The following AUTS2 variants were observed in gnomAD, a reference collection of about 807,000 sequenced individuals.
AUTS2 encodes activator of transcription and developmental regulator AUTS2, also known as autism susceptibility gene 2 protein.
A neutral mutation model predicts 112.4 loss-of-function variants in AUTS2; 17 were observed. The ratio of observed to expected loss-of-function variants is 0.15; its 90% CI spans 0.10 to 0.23. AUTS2 has a LOEUF of 0.23. Ranked by LOEUF, AUTS2 falls within the 10% of genes least tolerant of loss-of-function variation. AUTS2 has a pLI of 1.00. For missense variants in AUTS2, 1,510 were observed against 1,701.6 expected (o/e 0.89, Z 1.98); for synonymous variants, 751 against 702.7 (o/e 1.07, Z -1.09).
intron 1 of AUTS2, among the ~76,000 whole-genome samples, chr7:69,794,516 T>C (rs541128359): frequency 1.3e-5 from 2 of 152,352 alleles, no homozygotes; most frequent in African/African-American, 4.8e-5. Context: ...CTGTACTTTA[T>C]CTGCTTATTG....
chr7:69,961,567 G>C (rs141154133), intron 2 of AUTS2, among the ~76,000 whole-genome samples: 6 of 152,194 alleles, frequency 3.9e-5, no homozygotes, highest in African/African-American at 1.4e-4. Flanking sequence ...GTGGGCATCT[G>C]TTGTCTTCTC....
chr7:69,947,293 A>C lies in AUTS2; in HGVS notation c.522+47795A>C, dbSNP rs181960009. Among the ~76,000 whole-genome samples, 373 of 152,310 alleles carry C rather than the reference A, an allele frequency of 2.4e-3. 2 individuals are homozygous for C. The highest frequency in any genetic ancestry group is 8.5e-3 in the African/African-American group (353 of 41,560). ...AGTGCTTGCCGACTTCACAAAACAC[A>C]GAAAATTGCTGAGGGCTTATGTGAC... On this transcript the variant is annotated intron_variant, in intron 2 of 18. Transcript: ENST00000342771.
intron 1 of AUTS2, among the ~76,000 whole-genome samples, chr7:69,614,595 C>T (rs1793263558): frequency 6.6e-6 from 1 of 152,000 alleles, no homozygotes; most frequent in Non-Finnish European, 1.5e-5. Context: ...AGTGATCCTC[C>T]TGCCTCAGCC....
At chr7:70,124,063 T>C (rs1229650133) in intron 3 of AUTS2, among the ~76,000 whole-genome samples, 1 of 152,232 alleles carries the variant, frequency 6.6e-6, no homozygotes, top group African/African-American at 2.4e-5. Context: ...GGTGAGATGA[T>C]ATCTCATTGT....
rs1003001338 is a variant in AUTS2, at chr7:70,224,192, G to A, written c.660+89621G>A. Among the ~76,000 whole-genome samples, 7 of 152,100 alleles carry A rather than the reference G, an allele frequency of 4.6e-5. No homozygotes were observed. The South Asian group carries it at 1.2e-3, about 27-fold the overall frequency. On this transcript the variant is annotated intron_variant, in intron 4 of 18. Transcript: ENST00000342771. Reference sequence around the variant, plus strand: ...TAAGTGGGCATGATGGTGTGTGCCTGTAGACTCAGCTACTCTGGAAGCTGA... The same window carrying A: ...TAAGTGGGCATGATGGTGTGTGCCTATAGACTCAGCTACTCTGGAAGCTGA...
intron 2 of AUTS2, among the ~76,000 whole-genome samples, chr7:69,916,784 G>A (rs1203425374): frequency 6.6e-6 from 1 of 151,930 alleles, no homozygotes; most frequent in Non-Finnish European, 1.5e-5. Flanking sequence ...TCCTTCCTGC[G>A]AGTGCAGTAG....
intron 5 of AUTS2, among the ~76,000 whole-genome samples, chr7:70,606,106 G>T (rs915824883): frequency 5.9e-5 from 9 of 152,162 alleles, no homozygotes; most frequent in Non-Finnish European, 1.0e-4. Context: ...TGATTTAGTT[G>T]AATATTTCAA....
chr7:69,733,831 T>G (rs1230400148), intron 1 of AUTS2, among the ~76,000 whole-genome samples: 10 of 152,192 alleles, frequency 6.6e-5, no homozygotes, highest in African/African-American at 1.9e-4. Context: ...TTATCTTCTT[T>G]GAGGTTTTTT....
chr7:70,113,373 A>G (rs1347294995), intron 2 of AUTS2, among the ~76,000 whole-genome samples: 1 of 152,194 alleles, frequency 6.6e-6, no homozygotes, highest in Non-Finnish European at 1.5e-5. Flanking sequence ...TACAAATTCT[A>G]TCCAATCCAT....
chr7:70,627,569 C>T (rs1805016164), intron 5 of AUTS2, among the ~76,000 whole-genome samples: 1 of 152,234 alleles, frequency 6.6e-6, no homozygotes, highest in African/African-American at 2.4e-5. Flanking sequence ...ATTATTCCAT[C>T]TCTGCCAACA....
chr7:69,890,775 G>T (rs747430204), intron 1 of AUTS2, among the ~76,000 whole-genome samples: 17 of 151,834 alleles, frequency 1.1e-4, no homozygotes, highest in Middle Eastern at 3.2e-3. Flanking sequence ...CAAGACATTC[G>T]TGTTCACAAC....
intron 5 of AUTS2, among the ~76,000 whole-genome samples, chr7:70,480,191 G>A (rs1364599026): frequency 1.3e-5 from 2 of 152,186 alleles, no homozygotes; most frequent in Non-Finnish European, 1.5e-5. Context: ...AAAACTAGAC[G>A]GATATGTCCA....
At chr7:70,666,346 C>T (rs904865781) in intron 5 of AUTS2, among the ~76,000 whole-genome samples, 1 of 152,116 alleles carries the variant, frequency 6.6e-6, no homozygotes, top group African/African-American at 2.4e-5. Flanking sequence ...AGCTTAGTGG[C>T]ATGAAGAAGT....
At chr7:70,125,033 T>A (rs1215657665) in intron 3 of AUTS2, among the ~76,000 whole-genome samples, 1 of 152,244 alleles carries the variant, frequency 6.6e-6, no homozygotes, top group Non-Finnish European at 1.5e-5. Flanking sequence ...TTTACTGTCC[T>A]TGTGTACTAA....
chr7:70,697,567 C>CT (rs1809191708), intron 5 of AUTS2, among the ~76,000 whole-genome samples: 1 of 142,560 alleles, frequency 7.0e-6, no homozygotes, highest in Non-Finnish European at 1.5e-5. Context: ...AATTCCCCCC[C>CT]CCCATTTCCT....
intron 6 of AUTS2, among the ~76,000 whole-genome samples, chr7:70,729,440 C>T (rs1202283926): frequency 6.6e-6 from 1 of 152,222 alleles, no homozygotes; most frequent in Non-Finnish European, 1.5e-5. Flanking sequence ...GAACGTGTCC[C>T]TACCTGGAAT....
intron 4 of AUTS2, among the ~76,000 whole-genome samples, chr7:70,356,613 G>A (rs1792022345): frequency 6.6e-6 from 1 of 152,164 alleles, no homozygotes; most frequent in Non-Finnish European, 1.5e-5. Context: ...AACCCAGGCG[G>A]TTAAATGTGG....
chr7:70,555,496 G>GAA (rs1226011702), intron 5 of AUTS2, among the ~76,000 whole-genome samples: 2 of 152,222 alleles, frequency 1.3e-5, no homozygotes, highest in African/African-American at 4.8e-5. Context: ...CCTTTTTCCA[G>GAA]AGTTACCTCC....
At chr7:70,450,842 G>T (rs1328907047) in intron 5 of AUTS2, among the ~76,000 whole-genome samples, 2 of 152,260 alleles carry the variant, frequency 1.3e-5, no homozygotes, top group East Asian at 3.9e-4. Context: ...TGATGATTTT[G>T]TGACCACTGG....
Sources: gnomAD v4.1 joint callset for allele counts (sites outside exome capture counted in the v4.1 genomes callset) on GRCh38, gnomAD v4.1.1 for gene constraint, MANE v1.5 for transcripts, NCBI Gene and HGNC (gene_info 2026-07-23, HGNC 2026-07-21) for gene names.